Variants in TULP4 observed in about 807,000 individuals in gnomAD.
TULP4 encodes the protein TUB like protein 4, also known as tubby-related protein 4.
In TULP4, 16 loss-of-function variants were observed where a neutral mutation model predicts 129.0. The observed-to-expected ratio is 0.12, with a 90% CI of 0.08 to 0.19. TULP4 has a LOEUF of 0.19. Among genes scored for constraint, TULP4 ranks in the 10% least tolerant of loss-of-function variants. TULP4 has a pLI of 1.00. For missense variants in TULP4, 1,842 were observed against 2,059.1 expected (o/e 0.89, Z 2.04); for synonymous variants, 998 against 854.0 (o/e 1.17, Z -2.94).
chr6:158,309,433 C>T (rs1218730864), upstream of TULP4, among the ~76,000 whole-genome samples: 8 of 148,774 alleles, frequency 5.4e-5, no homozygotes, highest in African/African-American at 2.0e-4. Context: ...AGGGGCTCCT[C>T]ACGTCCCAGA....
intron 11 of TULP4, among the ~76,000 whole-genome samples, chr6:158,495,811 G>T (rs1780324095): frequency 6.6e-6 from 1 of 151,522 alleles, no homozygotes; most frequent in South Asian, 2.1e-4. Context: ...CTGCACTCCA[G>T]CCTGGGCAAC....
At chr6:158,280,662 G>T (rs544705990), upstream of TULP4, among the ~76,000 whole-genome samples, 125 of 152,378 alleles carry the variant, frequency 8.2e-4, 1 homozygote, top group African/African-American at 2.7e-3. Context: ...AGTGGTGATA[G>T]TTGGGTGATT....
At chr6:158,318,224 C>A (rs1193318058) in intron 1 of TULP4, among the ~76,000 whole-genome samples, 4 of 152,146 alleles carry the variant, frequency 2.6e-5, no homozygotes, top group Non-Finnish European at 5.9e-5. Flanking sequence ...CTTTGGGAAG[C>A]TGAGGCGGGA....
chr6:158,356,641 C>T (rs1446916908), intron 1 of TULP4, among the ~76,000 whole-genome samples: 1 of 152,070 alleles, frequency 6.6e-6, no homozygotes, highest in Non-Finnish European at 1.5e-5. Context: ...TTCTTAACAA[C>T]GTCAGGATCC....
At chr6:158,350,056 G>T (rs1361349461) in intron 1 of TULP4, among the ~76,000 whole-genome samples, 20 of 148,916 alleles carry the variant, frequency 1.3e-4, no homozygotes, top group African/African-American at 4.5e-4. Context: ...CTCCCAGACG[G>T]GGCAGCCGGG....
chr6:158,324,967 A>G (rs1779713503), intron 1 of TULP4, among the ~76,000 whole-genome samples: 1 of 152,198 alleles, frequency 6.6e-6, no homozygotes, highest in African/African-American at 2.4e-5. Flanking sequence ...GTTGGAGAGT[A>G]GTGGAAAGCA....
intron 1 of TULP4, among the ~76,000 whole-genome samples, chr6:158,391,163 G>A (rs972025717): frequency 6.6e-6 from 1 of 152,180 alleles, no homozygotes; most frequent in African/African-American, 2.4e-5. Context: ...AATGTCATAA[G>A]GATTTCTTTC....
intron 1 of TULP4, among the ~76,000 whole-genome samples, chr6:158,368,158 G>A (rs1776980890): frequency 6.6e-6 from 1 of 150,444 alleles, no homozygotes; most frequent in Non-Finnish European, 1.5e-5. Flanking sequence ...TTCTTTCTGT[G>A]ATTCCTCTTG....
chr6:158,309,602 T>C (rs1301566431), upstream of TULP4, among the ~76,000 whole-genome samples: 3 of 152,082 alleles, frequency 2.0e-5, no homozygotes, highest in African/African-American at 7.2e-5. Context: ...CTGGGCACCA[T>C]TGAGCACCGA....
chr6:158,495,091 T>C (rs1780302708), intron 11 of TULP4, among the ~76,000 whole-genome samples: 1 of 152,208 alleles, frequency 6.6e-6, no homozygotes, highest in Admixed American at 6.5e-5. Context: ...TGAGATAGTG[T>C]CTTACCCAGG....
intron 1 of TULP4, among the ~76,000 whole-genome samples, chr6:158,261,099 G>A (rs4710157): frequency 0.16 from 23,592 of 152,044 alleles, 2,475 homozygotes; most frequent in East Asian, 0.43. Context: ...GAGTATAGGA[G>A]TGAGCCACTG....
chr6:158,323,679 A>G (rs116808650), intron 1 of TULP4, among the ~76,000 whole-genome samples: 1,820 of 152,308 alleles, frequency 0.012, 42 homozygotes, highest in African/African-American at 0.04. Context: ...GTAGCTGGTA[A>G]TAGGGACTGA....
intron 5 of TULP4, among the ~76,000 whole-genome samples, chr6:158,458,892 T>G (rs566248165): frequency 6.6e-6 from 1 of 152,370 alleles, no homozygotes; most frequent in East Asian, 1.9e-4. Context: ...TGCTGAATTC[T>G]TCATGCTAGT....
At position 158,462,619 on chromosome 6, in the gene TULP4, C is replaced by T. The variant is rs571061269; in HGVS notation, c.1026+890C>T. Among the ~76,000 whole-genome samples the T allele has an allele frequency of 1.1e-4, 17 of 151,902 alleles. No homozygotes were observed. The South Asian group carries it at 1.2e-3, about 11-fold the overall frequency. On this transcript the variant is annotated intron_variant, in intron 6 of 13. Coordinates refer to ENST00000367097, the MANE Select transcript of TULP4 (RefSeq NM_020245.5). ...CGATCTCCTGACCTCATGATCTGCCCGCCTCGGCCTCCCAAGATGCTGGGA... is the reference window on the plus strand; with the variant it reads ...CGATCTCCTGACCTCATGATCTGCCTGCCTCGGCCTCCCAAGATGCTGGGA...
chr6:158,436,228 C>T (rs886674788), intron 3 of TULP4, among the ~76,000 whole-genome samples: 2 of 152,148 alleles, frequency 1.3e-5, no homozygotes. Context: ...TTCTGTACCT[C>T]CAACCTTCAC....
At chr6:158,369,077 T>C (rs1777010793) in intron 1 of TULP4, among the ~76,000 whole-genome samples, 2 of 152,322 alleles carry the variant, frequency 1.3e-5, no homozygotes, top group African/African-American at 4.8e-5. Context: ...AAAATACAAA[T>C]AGATTTTCAT....
chr6:158,498,317 A>T (rs1373974429), intron 11 of TULP4, among the ~76,000 whole-genome samples: 2 of 152,222 alleles, frequency 1.3e-5, no homozygotes, highest in African/African-American at 4.8e-5. Context: ...CTGACTGCAA[A>T]TGAGGTTTTT....
At chr6:158,362,502 C>T (rs571309264) in intron 1 of TULP4, among the ~76,000 whole-genome samples, 171 of 152,092 alleles carry the variant, frequency 1.1e-3, no homozygotes, top group Middle Eastern at 3.4e-3. Context: ...GGTGTGTGCT[C>T]CCATGCCCAG....
At chr6:158,395,676 G>GGGGGGT (rs1343281231) in intron 1 of TULP4, among the ~76,000 whole-genome samples, 1 of 133,244 alleles carries the variant, frequency 7.5e-6, no homozygotes, top group Admixed American at 7.4e-5. Context: ...GGCGGGGGGG[G>GGGGGGT]GGTCATGGCA....
Sources: gnomAD v4.1 joint callset for allele counts (sites outside exome capture counted in the v4.1 genomes callset) on GRCh38, gnomAD v4.1.1 for gene constraint, MANE v1.5 for transcripts, NCBI Gene and HGNC (gene_info 2026-07-23, HGNC 2026-07-21) for gene names.